CEBPZOS: variants seen among roughly 807,000 people sequenced by gnomAD.
CEBPZOS encodes protein CEBPZOS.
CEBPZOS carries 10 observed loss-of-function variants against 4.8 expected under a neutral mutation model. The observed-to-expected ratio is 2.07, with a 90% CI of 1.28 to 3.52. The LOEUF is 3.52. CEBPZOS is among the 30% of genes most tolerant of loss of function. The pLI is 0.00. For synonymous variants in CEBPZOS, 25 were observed against 14.2 expected, an observed-to-expected ratio of 1.77 and a Z score of -1.72; for missense variants, 98 against 43.6, an observed-to-expected ratio of 2.25 and a Z score of -3.51.
intron 4 of CEBPZOS, chr2:37,211,874 A>C: frequency 1.2e-6 from 2 of 1,608,654 alleles, no homozygotes; most frequent in Non-Finnish European, 1.7e-6. Context: ...CATCTAACAC[A>C]TCCATGAATG....
At chr2:37,215,535 C>T (rs1677847200), downstream of CEBPZOS, 1 of 152,352 alleles carries the variant, frequency 6.6e-6, no homozygotes, top group Admixed American at 6.5e-5. Context: ...CCTTTTACAT[C>T]TCTGGACCTC....
chr2:37,198,597 C>G (rs1048877099), intron 1 of CEBPZOS: 1 of 152,220 alleles, frequency 6.6e-6, no homozygotes, highest in Admixed American at 6.5e-5. Context: ...ATCTGAAAAA[C>G]AAGTGGTTCT....
chr2:37,201,663 A>G lies in CEBPZOS; in HGVS notation c.182A>G (p.Lys61Arg), dbSNP rs1250810118. The G allele has an allele frequency of 6.5e-6, 5 of 771,602 alleles. No individual in the cohort carries two copies. The highest frequency in any genetic ancestry group is 6.0e-5 in the South Asian group (4 of 66,976). The allele number at this position is 771,602 out of a possible 1,614,324, so 47.8% of individuals were successfully genotyped here. ...ATAGTTTATTACAAATCCACTGAGAAGTCTGGAATGTATGGAATCAGAGAG... is the reference window on the plus strand; with the variant it reads ...ATAGTTTATTACAAATCCACTGAGAGGTCTGGAATGTATGGAATCAGAGAG... Reference protein sequence around the residue: ...ILEVYYKSTEKSGMYGIRELD... With the variant: ...ILEVYYKSTERSGMYGIRELD... The change falls in exon 4 of 5, where the codon AAG (lysine) becomes AGG (arginine). Residue 61 changes from lysine (K) to arginine (R), a missense_variant. Lys to Arg is a conservative substitution (Grantham distance 26). Coordinates refer to ENST00000402297, the MANE Select transcript of CEBPZOS (RefSeq NM_001322374.2).
Position 37,202,932 on chromosome 2 carries a change from A to T in CEBPZOS, c.*1072A>T. ...AATGTAGAATAGCTAGCTTGTTAAA[A>T]CAGTACATTAGCCTTACCTCTTCAG... On this transcript the variant is annotated 3_prime_UTR_variant, in exon 5 of 5. Coordinates refer to ENST00000402297, the MANE Select transcript of CEBPZOS (RefSeq NM_001322374.2). 6.3e-7 allele frequency: 1 copy of T among 1,595,778 alleles called. No homozygotes were observed. The highest frequency in any genetic ancestry group is 8.5e-7 in the Non-Finnish European group (1 of 1,170,176).
chr2:37,213,835 T>A, downstream of CEBPZOS: 1 of 1,468,892 alleles, frequency 6.8e-7, no homozygotes, highest in African/African-American at 1.4e-5. Context: ...TAGTAGATTA[T>A]TTTACAAAGA....
At chr2:37,201,422 G>C (rs1677224249) in intron 3 of CEBPZOS, 1 of 521,420 alleles carries the variant, frequency 1.9e-6, no homozygotes, top group Non-Finnish European at 3.4e-6. Flanking sequence ...CTGTCAAGTA[G>C]ATAAAGACTG....
rs1028801657 is a variant in CEBPZOS, at chr2:37,201,673, G to C, written c.192G>C (p.Met64Ile). 1.2e-6 allele frequency: 1 copy of C among 807,262 alleles called. No individual in the cohort carries two copies. The highest frequency in any genetic ancestry group is 1.7e-5 in the African/African-American group (1 of 58,740). The allele number at this position is 807,262 out of a possible 1,614,324, so 50.0% of individuals were successfully genotyped here. A position where few individuals can be genotyped will look rare whatever the true frequency, so the allele number is the denominator to read the frequency against. ...VYYKSTEKSGMYGIRELDQKT... is the reference protein window; with the variant it reads ...VYYKSTEKSGIYGIRELDQKT... ...ACAAATCCACTGAGAAGTCTGGAATGTATGGAATCAGAGAGCTAGATCAAA... is the reference window on the plus strand; with the variant it reads ...ACAAATCCACTGAGAAGTCTGGAATCTATGGAATCAGAGAGCTAGATCAAA... Residue 64 changes from methionine to isoleucine, a missense_variant, in exon 4 of 5, where the codon ATG becomes ATC. By Grantham distance (10) the Met-to-Ile change is conservative. Coordinates refer to ENST00000402297, the MANE Select transcript of CEBPZOS (RefSeq NM_001322374.2).
At chr2:37,196,946 C>T (rs570599250) in intron 1 of CEBPZOS, among the ~76,000 whole-genome samples, 45 of 152,330 alleles carry the variant, frequency 3.0e-4, no homozygotes, top group Non-Finnish European at 5.4e-4. Flanking sequence ...TGCTTGAAAC[C>T]GCGTAGCCTG....
chr2:37,202,516 ATGCCTGTAATCCCAGCTACT>A lies in CEBPZOS; in HGVS notation c.*659_*678del, dbSNP rs1451001412. On this transcript the variant is annotated 3_prime_UTR_variant, in exon 5 of 5. Coordinates refer to ENST00000402297, the MANE Select transcript of CEBPZOS (RefSeq NM_001322374.2). ...AAAAATTAGCTGGGCGTGGTGGTGC[ATGCCTGTAATCCCAGCTACT>A]TGGGAGGCTAAGGTAGGAGAATTAC... 7.5e-6 allele frequency: 2 copies of A among 266,946 alleles called. No homozygotes were observed. The highest frequency in any genetic ancestry group is 1.5e-4 in the East Asian group (2 of 13,634). The allele number at this position is 266,946 out of a possible 1,614,324, so 16.5% of individuals were successfully genotyped here.
intron 4 of CEBPZOS, chr2:37,213,287 G>T (rs1677784100): frequency 6.6e-6 from 1 of 152,210 alleles, no homozygotes. Flanking sequence ...ATGAGATTTG[G>T]CTGTAACAAT....
At chr2:37,215,995 G>T, downstream of CEBPZOS, 51 of 406,512 alleles carry the variant, frequency 1.3e-4, no homozygotes, top group Non-Finnish European at 1.7e-4. Flanking sequence ...GTAGATTTAA[G>T]AATACCTATT....
At chr2:37,212,417 G>C (rs759085798) in intron 4 of CEBPZOS, 2 of 1,586,420 alleles carry the variant, frequency 1.3e-6, no homozygotes, top group South Asian at 2.2e-5. Flanking sequence ...AGAAATGTGA[G>C]ATACAACAAA....
chr2:37,212,358 T>C, intron 4 of CEBPZOS: 1 of 1,613,618 alleles, frequency 6.2e-7, no homozygotes, highest in Non-Finnish European at 8.5e-7. Flanking sequence ...TATCATCCTT[T>C]CCAGAGCTGA....
intron 4 of CEBPZOS, among the ~76,000 whole-genome samples, chr2:37,213,275 A>T (rs1469908877): frequency 6.6e-6 from 1 of 152,244 alleles, no homozygotes; most frequent in African/African-American, 2.4e-5. Context: ...TTTCTTTTTC[A>T]CATGAGATTT....
chr2:37,198,085 G>A (rs1026879731), intron 1 of CEBPZOS, among the ~76,000 whole-genome samples: 2 of 151,832 alleles, frequency 1.3e-5, no homozygotes, highest in Non-Finnish European at 2.9e-5. Context: ...GCTTGAATCC[G>A]GCAGGCGGAG....
chr2:37,214,978 A>T (rs771620336), downstream of CEBPZOS: 1 of 1,414,030 alleles, frequency 7.1e-7, no homozygotes, highest in Non-Finnish European at 1.0e-6. Context: ...TAAACATTTT[A>T]ACTTCATATA....
downstream of CEBPZOS, among the ~76,000 whole-genome samples, chr2:37,205,017 C>G (rs1009994628): frequency 1.3e-5 from 2 of 152,182 alleles, no homozygotes; most frequent in Non-Finnish European, 2.9e-5. Flanking sequence ...CTGCCTATAT[C>G]TCATCTTATG....
At chr2:37,198,540 G>A (rs1216269499) in intron 1 of CEBPZOS, 1 of 152,162 alleles carries the variant, frequency 6.6e-6, no homozygotes, top group Non-Finnish European at 1.5e-5. Flanking sequence ...CCTGACAGCA[G>A]CGAGCTGGGA....
chr2:37,212,122 A>G (rs755961752), intron 4 of CEBPZOS: 5 of 1,209,396 alleles, frequency 4.1e-6, no homozygotes, highest in Non-Finnish European at 4.6e-6. Context: ...GCAGTAGGCT[A>G]TTAAATGACT....
Sources: allele counts gnomAD v4.1 joint callset (sites outside exome capture counted in the v4.1 genomes callset), GRCh38; gene constraint gnomAD v4.1.1; transcripts MANE v1.5; gene names NCBI Gene and HGNC (gene_info 2026-07-23, HGNC 2026-07-21).